Variants in IL21R observed in about 807,000 individuals in gnomAD.
The protein encoded by IL21R is interleukin 21 receptor.
A neutral mutation model predicts 41.3 loss-of-function variants in IL21R; 14 were observed. The observed-to-expected ratio is 0.34, with a 90% CI of 0.22 to 0.53. IL21R has a LOEUF of 0.53. Among genes scored for constraint, IL21R ranks in the 20% least tolerant of loss-of-function variants. The probability of loss-of-function intolerance (pLI) is 0.94; values close to 1 mark genes in which losing one functional copy is unlikely to be tolerated. For missense variants in IL21R, 588 were observed against 681.6 expected (o/e 0.86, Z 1.53); for synonymous variants, 286 against 287.6 (o/e 0.99, Z 0.05).
Position 27,437,480 on chromosome 16 carries a change from C to T in IL21R, c.153-8C>T, listed in dbSNP as rs2087291892. On this transcript the variant is annotated splice_region_variant and splice_polypyrimidine_tract_variant and intron_variant, in intron 3 of 8. Transcript: ENST00000337929. ...TTCCAGCCATGACCGGCTGCTTTGT[C>T]CTTGAAGGCAAGACCAGTATGAAGA... The T allele has an allele frequency of 6.2e-7, 1 of 1,612,582 alleles. No individual in the cohort carries two copies.
chr16:27,426,390 C>T (rs538282670), intron 1 of IL21R, among the ~76,000 whole-genome samples: 3 of 152,348 alleles, frequency 2.0e-5, no homozygotes, highest in Non-Finnish European at 4.4e-5. Context: ...TTAATAGTAG[C>T]ACCAGTGAAA....
At chr16:27,447,498 A>T (rs574348259) in intron 8 of IL21R, among the ~76,000 whole-genome samples, 3 of 152,260 alleles carry the variant, frequency 2.0e-5, no homozygotes, top group Non-Finnish European at 2.9e-5. Flanking sequence ...TTTCCTTGCC[A>T]ATTGCATGAG....
chr16:27,441,798 C>T (rs766612418), intron 4 of IL21R, among the ~76,000 whole-genome samples: 6 of 152,142 alleles, frequency 3.9e-5, no homozygotes, highest in Non-Finnish European at 7.3e-5. Context: ...CACTTGAGGC[C>T]AGGAGTTTGA....
chr16:27,451,216 C>G lies in IL21R; in HGVS notation c.*1933C>G, dbSNP rs2087592423. On this transcript the variant is annotated 3_prime_UTR_variant, in exon 9 of 9. Transcript: ENST00000337929. ...TCTTGGGGGCAACAGGTTCCAGGAG[C>G]CACCTGTGGGTGCCACCTGAGCCAC... 1 of 229,170 alleles carries G rather than the reference C, an allele frequency of 4.4e-6. No homozygotes were observed. The highest frequency in any genetic ancestry group is 6.1e-5 in the East Asian group (1 of 16,370). The allele number at this position is 229,170 out of a possible 1,614,324, so 14.2% of individuals were successfully genotyped here. A position where few individuals can be genotyped will look rare whatever the true frequency, so the allele number is the denominator to read the frequency against.
At chr16:27,403,825 C>T (rs1213834578) in intron 1 of IL21R, among the ~76,000 whole-genome samples, 2 of 152,128 alleles carry the variant, frequency 1.3e-5, no homozygotes, top group Non-Finnish European at 2.9e-5. Context: ...CTGGCTCTGG[C>T]CCCCCCAGTG....
At chr16:27,415,309 T>G (rs1014617681) in intron 1 of IL21R, among the ~76,000 whole-genome samples, 1 of 152,168 alleles carries the variant, frequency 6.6e-6, no homozygotes, top group Non-Finnish European at 1.5e-5. Context: ...AATTTTAAAC[T>G]AATAGGATCA....
rs2087590670 is a variant in IL21R, at chr16:27,451,157, T to C, written c.*1874T>C. On this transcript the variant is annotated 3_prime_UTR_variant, in exon 9 of 9. Coordinates refer to ENST00000337929, the MANE Select transcript of IL21R (RefSeq NM_181078.3). ...CCCCGTGCACCTGCACCCTAGGGAC[T>C]CTTGGGTCCAGATGTGCTGTGGTTT... 3 of 229,020 alleles carry C rather than the reference T, an allele frequency of 1.3e-5. No homozygotes were observed. The Admixed American group carries it at 1.7e-4, about 13-fold the overall frequency. 14.2% of individuals were successfully genotyped at this position (229,020 alleles called of 1,614,324 possible).
In IL21R at chr16:27,417,565, T is replaced by C. The variant is rs6498024; in HGVS notation, c.-16-12491T>C. Among the ~76,000 whole-genome samples the C allele has an allele frequency of 9.3e-3, 1,415 of 152,346 alleles. 11 individuals carry two copies. The highest frequency in any genetic ancestry group is 0.032 in the African/African-American group (1,319 of 41,564). Reference sequence around the variant, plus strand: ...AGGATACATTCTGAGAAATGTGTCATTAGGTAATTTTGTCATTGTGTGAAC... The same window carrying C: ...AGGATACATTCTGAGAAATGTGTCACTAGGTAATTTTGTCATTGTGTGAAC... On this transcript the variant is annotated intron_variant, in intron 1 of 8. Coordinates refer to ENST00000337929, the MANE Select transcript of IL21R (RefSeq NM_181078.3).
intron 4 of IL21R, 72 bp downstream of exon 4, chr16:27,437,759 C>T (rs2087299529): frequency 1.6e-6 from 2 of 1,239,584 alleles, no homozygotes; most frequent in African/African-American, 1.5e-5. Flanking sequence ...CCTCTCTGGG[C>T]TCAGGTGATC....
At chr16:27,418,310 T>G (rs1007239820) in intron 1 of IL21R, among the ~76,000 whole-genome samples, 1 of 151,992 alleles carries the variant, frequency 6.6e-6, no homozygotes, top group Non-Finnish European at 1.5e-5. Flanking sequence ...CCTTGTGATC[T>G]GCCCGTCTCG....
chr16:27,436,080 G>A (rs370612743), intron 3 of IL21R, among the ~76,000 whole-genome samples: 1 of 152,158 alleles, frequency 6.6e-6, no homozygotes, highest in Non-Finnish European at 1.5e-5. Context: ...TCAGGAGCCC[G>A]CAGGGTTGGT....
intron 6 of IL21R, 74 bp downstream of exon 6, chr16:27,444,793 G>A (rs1356960507): frequency 3.0e-6 from 4 of 1,346,146 alleles, no homozygotes; most frequent in Non-Finnish European, 4.0e-6. Context: ...CCTAAGCCCT[G>A]AGCTTTCTGG....
At chr16:27,442,025 C>A (rs955394867) in intron 4 of IL21R, among the ~76,000 whole-genome samples, 8 of 152,174 alleles carry the variant, frequency 5.3e-5, no homozygotes, top group Non-Finnish European at 1.2e-4. Context: ...GGGGAAAAAA[C>A]CCTTGGAGAT....
chr16:27,432,295 T>C (rs2087188006), intron 2 of IL21R, among the ~76,000 whole-genome samples: 1 of 152,182 alleles, frequency 6.6e-6, no homozygotes, highest in African/African-American at 2.4e-5. Context: ...GCAAGCAGTG[T>C]CTCCGGCTTA....
chr16:27,440,862 C>T (rs2141302160), intron 4 of IL21R, among the ~76,000 whole-genome samples: 1 of 151,888 alleles, frequency 6.6e-6, no homozygotes, highest in East Asian at 1.9e-4. Flanking sequence ...ACCAGTCTGG[C>T]CAACATGGGG....
At chr16:27,406,550 C>T (rs112051318) in intron 1 of IL21R, among the ~76,000 whole-genome samples, 3,851 of 152,108 alleles carry the variant, frequency 0.025, 81 homozygotes, top group Non-Finnish European at 0.037. Flanking sequence ...GCTGAGAGGT[C>T]GCACAGCCTC....
chr16:27,433,333 G>A (rs2087207761), intron 2 of IL21R, among the ~76,000 whole-genome samples: 1 of 152,086 alleles, frequency 6.6e-6, no homozygotes, highest in Non-Finnish European at 1.5e-5. Context: ...AGGCATGGTG[G>A]TGCACAACTG....
chr16:27,448,932 G>A lies in IL21R; in HGVS notation c.1266G>A (p.Gly422=), dbSNP rs760423765. 1 of 1,612,922 alleles carries A rather than the reference G, an allele frequency of 6.2e-7. No homozygotes were observed. Among genetic ancestry groups the A allele is most frequent in the South Asian group, 1.1e-5 (1 of 91,022 alleles). ...TAGAGGACCCACTCTTGGATGCAGG[G>A]ACCACAGTCCTGTCCTGTGGCTGTG... ...PGLEDPLLDA[G]TTVLSCGCVS... is the part of the protein sequence containing the mutation. The change falls in exon 9 of 9, where the codon GGG becomes GGA. Residue 422 remains glycine, a synonymous_variant. Coordinates refer to ENST00000337929, the MANE Select transcript of IL21R (RefSeq NM_181078.3).
At chr16:27,413,376 AT>A (rs2086848638) in intron 1 of IL21R, among the ~76,000 whole-genome samples, 1 of 151,730 alleles carries the variant, frequency 6.6e-6, no homozygotes, top group Non-Finnish European at 1.5e-5. Flanking sequence ...TTTGTTGAGG[AT>A]TTTTGCATCA....
Sources: allele counts gnomAD v4.1 joint callset (sites outside exome capture counted in the v4.1 genomes callset), GRCh38; gene constraint gnomAD v4.1.1; transcripts MANE v1.5; gene names NCBI Gene and HGNC (gene_info 2026-07-23, HGNC 2026-07-21).